The following TENM2 variants were observed in gnomAD, a reference collection of about 807,000 sequenced individuals.
TENM2 encodes the protein teneurin transmembrane protein 2.
TENM2 carries 52 observed loss-of-function variants against 245.2 expected under a neutral mutation model. The observed-to-expected ratio is 0.21, with a 90% CI of 0.17 to 0.27. The LOEUF (loss-of-function observed/expected upper bound fraction) is 0.27. Among genes scored for constraint, TENM2 ranks in the 10% least tolerant of loss-of-function variants. TENM2 has a pLI of 1.00. For missense variants in TENM2, 3,046 were observed against 3,666.8 expected (o/e 0.83, Z 4.37); for synonymous variants, 1,363 against 1,438.9 (o/e 0.95, Z 1.19).
chr5:168,061,574 G>A (rs765204993), intron 6 of TENM2, among the ~76,000 whole-genome samples: 10 of 152,106 alleles, frequency 6.6e-5, no homozygotes, highest in Non-Finnish European at 1.3e-4. Flanking sequence ...ATCTGCTTGA[G>A]TTTCAAGTCT....
At chr5:167,336,560 C>T (rs1007623966) in intron 1 of TENM2, among the ~76,000 whole-genome samples, 19 of 151,932 alleles carry the variant, frequency 1.3e-4, no homozygotes, top group Admixed American at 2.0e-4. Flanking sequence ...TTGAGCAGAA[C>T]GGTAGAGAAT....
At chr5:167,171,105 T>C in the TENM2 span, among the ~76,000 whole-genome samples, 1 of 152,176 alleles carries the variant, frequency 6.6e-6, no homozygotes, top group African/African-American at 2.4e-5. Flanking sequence ...GCAACTGAAT[T>C]GCTAATGACT....
intron 2 of TENM2, among the ~76,000 whole-genome samples, chr5:167,465,834 AAG>A (rs900331517): frequency 4.0e-5 from 6 of 151,306 alleles, no homozygotes; most frequent in Non-Finnish European, 7.4e-5. Flanking sequence ...GTCTCAAAAA[AAG>A]AAAGAAAGAA....
intron 2 of TENM2, among the ~76,000 whole-genome samples, chr5:167,396,405 T>C (rs573499600): frequency 6.6e-6 from 1 of 152,254 alleles, no homozygotes; most frequent in Non-Finnish European, 1.5e-5. Context: ...GTATCTAAGA[T>C]AATCAAACTC....
At chr5:167,735,193 C>T (rs1184906267) in intron 2 of TENM2, among the ~76,000 whole-genome samples, 1 of 152,092 alleles carries the variant, frequency 6.6e-6, no homozygotes, top group Admixed American at 6.6e-5. Flanking sequence ...AAATCGTGGT[C>T]GTATTTGCTA....
chr5:167,056,384 TCTC>T, the TENM2 span, among the ~76,000 whole-genome samples: 1 of 149,952 alleles, frequency 6.7e-6, no homozygotes, highest in Non-Finnish European at 1.5e-5. Context: ...ATTTCACTCT[TCTC>T]CTTTCTTGCT....
At chr5:167,285,616 T>A (rs1158136535) in intron 1 of TENM2, among the ~76,000 whole-genome samples, 1 of 152,226 alleles carries the variant, frequency 6.6e-6, no homozygotes, top group Non-Finnish European at 1.5e-5. Flanking sequence ...GTTGGCACTC[T>A]CTTCATGTCC....
chr5:167,869,233 T>G (rs1212065946), intron 2 of TENM2, among the ~76,000 whole-genome samples: 4 of 152,126 alleles, frequency 2.6e-5, no homozygotes, highest in Non-Finnish European at 4.4e-5. Context: ...TAAAAGACAA[T>G]TACGTATTAC....
At chr5:168,211,249 C>G (rs914321898) in intron 19 of TENM2, among the ~76,000 whole-genome samples, 1 of 152,192 alleles carries the variant, frequency 6.6e-6, no homozygotes, top group Admixed American at 6.5e-5. Flanking sequence ...TGAAATGCAC[C>G]AATGGCAAAT....
At chr5:167,858,777 G>T (rs1771334557) in intron 2 of TENM2, among the ~76,000 whole-genome samples, 1 of 150,496 alleles carries the variant, frequency 6.6e-6, no homozygotes, top group African/African-American at 2.4e-5. Context: ...AGCGGGCAGC[G>T]GAGCTGTCTC....
the TENM2 span, among the ~76,000 whole-genome samples, chr5:167,015,835 G>C: frequency 6.6e-6 from 1 of 152,188 alleles, no homozygotes; most frequent in Non-Finnish European, 1.5e-5. Context: ...AGTTATCATA[G>C]TACTAACTCC....
chr5:167,530,697 G>T (rs1455516692), intron 2 of TENM2, among the ~76,000 whole-genome samples: 4 of 152,138 alleles, frequency 2.6e-5, no homozygotes, highest in Admixed American at 2.0e-4. Context: ...CCTGTGCTTC[G>T]CTGTAGAGCT....
At chr5:167,730,144 T>C (rs901225924) in intron 2 of TENM2, among the ~76,000 whole-genome samples, 3 of 152,332 alleles carry the variant, frequency 2.0e-5, no homozygotes, top group African/African-American at 4.8e-5. Flanking sequence ...GAACTACTGA[T>C]AGCTGTTCCT....
chr5:167,040,837 C>T, the TENM2 span, among the ~76,000 whole-genome samples: 1 of 152,202 alleles, frequency 6.6e-6, no homozygotes, highest in East Asian at 1.9e-4. Context: ...CTGGAATTTT[C>T]TCACAGCAGA....
At chr5:167,071,586 C>G in the TENM2 span, among the ~76,000 whole-genome samples, 1 of 152,090 alleles carries the variant, frequency 6.6e-6, no homozygotes, top group Admixed American at 6.5e-5. Flanking sequence ...CTATACCTAC[C>G]ATTCTCATAT....
At chr5:168,128,941 C>T (rs1391938531) in intron 12 of TENM2, 1 of 148,362 alleles carries the variant, frequency 6.7e-6, no homozygotes, top group Non-Finnish European at 1.5e-5. Context: ...GCCCACAAAG[C>T]TGCTTGTGTG....
At chr5:167,504,931 A>G (rs1284367466) in intron 2 of TENM2, among the ~76,000 whole-genome samples, 4 of 151,964 alleles carry the variant, frequency 2.6e-5, no homozygotes, top group African/African-American at 9.7e-5. Context: ...ACAGTATACT[A>G]TTTTTGAGTT....
intron 2 of TENM2, among the ~76,000 whole-genome samples, chr5:167,606,097 A>G (rs1002886637): frequency 2.0e-5 from 3 of 152,170 alleles, no homozygotes; most frequent in African/African-American, 7.2e-5. Context: ...TTTCTGTTAT[A>G]TTATCTTTAC....
chr5:166,979,860 T>C, the TENM2 span, among the ~76,000 whole-genome samples: 1 of 152,158 alleles, frequency 6.6e-6, no homozygotes. Context: ...CTAATGTTCA[T>C]CGCAATTATA....
Sources: allele counts gnomAD v4.1 joint callset (sites outside exome capture counted in the v4.1 genomes callset), GRCh38; gene constraint gnomAD v4.1.1; transcripts MANE v1.5; gene names NCBI Gene and HGNC (gene_info 2026-07-23, HGNC 2026-07-21).